NEK5: variants seen among roughly 807,000 people sequenced by gnomAD.
The protein encoded by NEK5 is serine/threonine-protein kinase Nek5.
Under a neutral mutation model 109.2 loss-of-function variants are expected in NEK5, and 88 were observed. That is an observed-to-expected ratio of 0.81 (90% confidence interval 0.68 to 0.96). The LOEUF (loss-of-function observed/expected upper bound fraction) is 0.96, where lower values mean the gene tolerates loss of function less well. Among genes scored for constraint, NEK5 ranks in the 40% least tolerant of loss-of-function variants. The pLI is 0.00. For synonymous variants in NEK5, 283 were observed against 299.9 expected (o/e 0.94, Z 0.58); for missense variants, 834 against 920.7 (o/e 0.91, Z 1.22).
rs187254345 is a variant in NEK5, at chr13:52,066,527, C to T, written c.1850-918G>A. On this transcript the variant is annotated intron_variant, in intron 20 of 23. Transcript: ENST00000684899. ...CCTGTTCAAAAAAAATTAACTCGGC[C>T]GGGTGCAGTGGCTCACGCCTGTAAT... is the stretch of plus-strand genomic sequence containing the variant. Among the ~76,000 whole-genome samples, 25 of 151,916 alleles carry T rather than the reference C, an allele frequency of 1.6e-4. 1 individual carries two copies. Among genetic ancestry groups the T allele is most frequent in the Non-Finnish European group, 3.1e-4 (21 of 67,946 alleles).
Position 52,084,762 on chromosome 13 carries a change from A to AGTGTGTGT in NEK5, c.1480-1418_1480-1411dup, listed in dbSNP as rs368429926. ...GAGAGAGAGAGAGAGAGAGAGAGAG[A>AGTGTGTGT]GTGTGTGTGTGTGTGTGTGTGTGTG... On this transcript the variant is annotated intron_variant, in intron 16 of 23. Transcript: ENST00000684899. Among the ~76,000 whole-genome samples the AGTGTGTGT allele has an allele frequency of 6.6e-3, 313 of 47,440 alleles. 2 individuals carry two copies. The highest frequency in any genetic ancestry group is 9.0e-3 in the East Asian group (12 of 1,332). The allele number at this position is 47,440 out of a possible 152,430, so 31.1% of individuals were successfully genotyped here.
At chr13:52,116,555 G>A (rs1346459986) in intron 4 of NEK5, among the ~76,000 whole-genome samples, 1 of 152,316 alleles carries the variant, frequency 6.6e-6, no homozygotes, top group African/African-American at 2.4e-5. Context: ...ATGAGCCACA[G>A]ATAACAGTCC....
intron 1 of NEK5, among the ~76,000 whole-genome samples, chr13:52,128,398 T>C (rs1956110323): frequency 6.6e-6 from 1 of 152,206 alleles, no homozygotes; most frequent in African/African-American, 2.4e-5. Context: ...GCTACTTCTC[T>C]ACATTTTCCA....
intron 13 of NEK5, among the ~76,000 whole-genome samples, chr13:52,090,087 T>C (rs547895824): frequency 6.6e-6 from 1 of 152,344 alleles, no homozygotes; most frequent in East Asian, 1.9e-4. Flanking sequence ...TCTCCGCACA[T>C]AAATGCTTAA....
intron 20 of NEK5, among the ~76,000 whole-genome samples, chr13:52,070,965 T>A (rs1954774567): frequency 6.6e-6 from 1 of 152,186 alleles, no homozygotes; most frequent in Non-Finnish European, 1.5e-5. Flanking sequence ...TGAGATTCAG[T>A]GTTGGAATAA....
Position 52,072,031 on chromosome 13 carries a change from C to T in NEK5, c.1762G>A (p.Gly588Ser). ...CATTCATATTCCTTAAACTTCATGC[C>T]ATCCTCAAAGGTCAAAGTTTCATTT... ...IPNETLTFED[G>S]MKFKEYECVK... Residue 588 changes from glycine (G) to serine (S), a missense_variant, in exon 20 of 24, where the codon GGC becomes AGC. Gly to Ser is a moderately conservative substitution (Grantham distance 56, BLOSUM62 0). This residue lies in a region of NEK5 where 777 missense variants were observed against 824.7 expected (regional missense o/e 0.94). Coordinates refer to ENST00000684899, the MANE Select transcript of NEK5 (RefSeq NM_001365552.1). The T allele has an allele frequency of 6.2e-7, 1 of 1,610,988 alleles. No homozygotes were observed. The highest frequency in any genetic ancestry group is 8.5e-7 in the Non-Finnish European group (1 of 1,177,282).
chr13:52,056,133 G>A (rs929856593), intron 22 of NEK5, among the ~76,000 whole-genome samples: 2 of 152,076 alleles, frequency 1.3e-5, no homozygotes, highest in African/African-American at 4.8e-5. Context: ...ACAAAAAAAG[G>A]CAGGGTTGCA....
intron 19 of NEK5, among the ~76,000 whole-genome samples, chr13:52,075,281 C>T (rs889278524): frequency 1.3e-5 from 2 of 152,150 alleles, no homozygotes; most frequent in African/African-American, 4.8e-5. Flanking sequence ...CCATGGGATA[C>T]TATGCAGCCA....
In NEK5 at chr13:52,035,637, A is replaced by G. The variant is rs1371650998; in HGVS notation, c.*1311T>C. The G allele has an allele frequency of 6.6e-6, 1 of 152,236 alleles. No homozygotes were observed. The allele number at this position is 152,236 out of a possible 1,614,324, so 9.4% of individuals were successfully genotyped here. A position where few individuals can be genotyped will look rare whatever the true frequency, so the allele number is the denominator to read the frequency against. On this transcript the variant is annotated 3_prime_UTR_variant, in exon 24 of 24. Transcript: ENST00000684899. Reference sequence around the variant, plus strand: ...ATGAGGAAATGTTTTAGCATTTATTAATTCAGGAAACATTTCTGGCACTGT... The same window carrying G: ...ATGAGGAAATGTTTTAGCATTTATTGATTCAGGAAACATTTCTGGCACTGT...
At chr13:52,079,625 G>A (rs1202786258) in intron 17 of NEK5, among the ~76,000 whole-genome samples, 9 of 145,758 alleles carry the variant, frequency 6.2e-5, no homozygotes, top group African/African-American at 2.1e-4. Flanking sequence ...AGGCTGGAGC[G>A]CAGTGGCGTG....
intron 20 of NEK5, among the ~76,000 whole-genome samples, chr13:52,070,972 A>G (rs1954774706): frequency 6.6e-6 from 1 of 152,224 alleles, no homozygotes. Context: ...CAGTGTTGGA[A>G]TAACTTGTGA....
Position 52,048,433 on chromosome 13 carries a change from C to CA in NEK5, c.2228+1670dup, listed in dbSNP as rs1198293854. Among the ~76,000 whole-genome samples, 9 of 151,652 alleles carry CA rather than the reference C, an allele frequency of 5.9e-5. No individual in the cohort carries two copies. In the South Asian group the frequency reaches 1.7e-3, roughly 28 times the overall value. On this transcript the variant is annotated intron_variant, in intron 23 of 23. Transcript: ENST00000684899. ...ATAAAAAATAAATAAAATTAAAATA[C>CA]AAAAAAATCCCATTTAAAATACCAA...
chr13:52,101,361 T>C (rs1427548374), intron 11 of NEK5, among the ~76,000 whole-genome samples: 2 of 151,888 alleles, frequency 1.3e-5, no homozygotes, highest in African/African-American at 4.8e-5. Context: ...GATCGCGCCA[T>C]TGCACTCCAG....
chr13:52,087,826 T>C (rs769029225), intron 14 of NEK5, among the ~76,000 whole-genome samples: 27 of 151,994 alleles, frequency 1.8e-4, no homozygotes, highest in African/African-American at 5.5e-4. Context: ...AGGGTTTCAC[T>C]GTGTTAGCCA....
intron 23 of NEK5, among the ~76,000 whole-genome samples, chr13:52,047,998 G>GA (rs1037186985): frequency 6.6e-6 from 1 of 151,962 alleles, no homozygotes; most frequent in African/African-American, 2.4e-5. Flanking sequence ...AACACAAGAG[G>GA]AAAAAAGGGA....
intron 16 of NEK5, among the ~76,000 whole-genome samples, chr13:52,084,344 A>C (rs1488202953): frequency 1.3e-5 from 2 of 151,950 alleles, no homozygotes; most frequent in African/African-American, 4.8e-5. Context: ...CAGCCTCCTG[A>C]GTAGCTGGGA....
chr13:52,052,971 A>G (rs905670495), intron 22 of NEK5, among the ~76,000 whole-genome samples: 2 of 152,200 alleles, frequency 1.3e-5, no homozygotes, highest in African/African-American at 2.4e-5. Context: ...GCAATGGAAC[A>G]GGTAATCAAG....
chr13:52,068,368 C>G (rs181046497), intron 20 of NEK5, among the ~76,000 whole-genome samples: 1 of 152,100 alleles, frequency 6.6e-6, no homozygotes, highest in African/African-American at 2.4e-5. Flanking sequence ...TCCATTTATT[C>G]AAGTGGTCTG....
chr13:52,115,256 C>A (rs1030486599), intron 4 of NEK5, among the ~76,000 whole-genome samples: 4 of 151,684 alleles, frequency 2.6e-5, no homozygotes, highest in Non-Finnish European at 5.9e-5. Flanking sequence ...CCGCCTTGGC[C>A]TCCCAAAGTT....
Sources: allele counts gnomAD v4.1 joint callset (sites outside exome capture counted in the v4.1 genomes callset), GRCh38; gene constraint gnomAD v4.1.1; regional missense constraint gnomAD v4.1.1; transcripts MANE v1.5; gene names NCBI Gene and HGNC (gene_info 2026-07-23, HGNC 2026-07-21).